The following CEP57 variants were observed in gnomAD, a reference collection of about 807,000 sequenced individuals.
The protein encoded by CEP57 is centrosomal protein of 57 kDa.
A neutral mutation model predicts 68.0 loss-of-function variants in CEP57; 40 were observed. The ratio of observed to expected loss-of-function variants is 0.59; its 90% CI spans 0.46 to 0.77. The LOEUF (loss-of-function observed/expected upper bound fraction) is 0.77, where lower values mean the gene tolerates loss of function less well. CEP57 is among the 30% of genes least tolerant of loss of function. CEP57 has a pLI of 0.00. For missense variants in CEP57, 606 were observed against 580.7 expected (o/e 1.04, Z -0.45); for synonymous variants, 219 against 198.7 (o/e 1.10, Z -0.86).
rs549664864 is a variant in CEP57 at position 95,799,219 on chromosome 11, C to CT, written c.46-10dup. On this transcript the variant is annotated splice_polypyrimidine_tract_variant and intron_variant, in intron 1 of 10. Transcript: ENST00000325542. The stretch of plus-strand genomic sequence containing the variant: ...CACACTTTTGAAAGGTAATTTGTGT[C>CT]TTTATTTTTTAGAACAGCTTTGCTG... The CT allele has an allele frequency of 1.7e-5, 28 of 1,613,618 alleles. No individual in the cohort carries two copies. The highest frequency in any genetic ancestry group is 2.2e-5 in the Non-Finnish European group (26 of 1,179,902).
In CEP57 at chr11:95,790,705, G is replaced by A. The variant is rs775548083; in HGVS notation, c.7G>A (p.Ala3Thr). 3 of 1,613,930 alleles carry A rather than the reference G, an allele frequency of 1.9e-6. No homozygotes were observed. In the African/African-American group the frequency reaches 4.0e-5, roughly 22 times the overall value. Reference protein sequence around the residue: MAAASVSAASGSH... With the variant: MATASVSAASGSH... ...CCCCTGGGCAGGCTGAAAGATGGCG[G>A]CGGCGTCTGTCTCTGCGGCTTCTGG... The change falls in exon 1 of 11, where the codon GCG becomes ACG. Residue 3 changes from alanine (A) to threonine (T), a missense_variant. Transcript: ENST00000325542.
At chr11:95,823,242 ACCCC>A (rs1862587020) in intron 8 of CEP57, 2 of 152,272 alleles carry the variant, frequency 1.3e-5, no homozygotes, top group Non-Finnish European at 2.9e-5. Flanking sequence ...TTTATTTTAA[ACCCC>A]TAGTAAATTC....
rs139872992 is a variant in CEP57, at chr11:95,790,671, T to C, written c.-28T>C. ...ACGAGAACCTAGACCGCCCCCGAAG[T>C]GCGGAGACCCCCTGGGCAGGCTGAA... On this transcript the variant is annotated 5_prime_UTR_variant, in exon 1 of 11. Transcript: ENST00000325542. 20,248 of 1,612,578 alleles carry C rather than the reference T, an allele frequency of 0.013. 269 individuals are homozygous for C. Among genetic ancestry groups the C allele is most frequent in the South Asian group, 0.052 (4,703 of 90,656 alleles).
At chr11:95,825,054 A>C (rs1453780708) in intron 8 of CEP57, among the ~76,000 whole-genome samples, 1 of 152,226 alleles carries the variant, frequency 6.6e-6, no homozygotes, top group Non-Finnish European at 1.5e-5. Context: ...CACCAAAGGC[A>C]TGGAAGTAGT....
chr11:95,818,270 G>A (rs531545735), intron 5 of CEP57, among the ~76,000 whole-genome samples: 97 of 151,880 alleles, frequency 6.4e-4, no homozygotes, highest in Non-Finnish European at 1.3e-4. Context: ...AAATTAGCCG[G>A]GCATCGTGGC....
chr11:95,822,404 C>A, intron 7 of CEP57, 95 bp from the exon 8 acceptor site: 1 of 879,022 alleles, frequency 1.1e-6, no homozygotes, highest in Non-Finnish European at 1.9e-6. Flanking sequence ...AAGTAGTAGC[C>A]TAGTAGTTAA....
intron 6 of CEP57, among the ~76,000 whole-genome samples, chr11:95,820,579 C>CAAAAAAAAA (rs56260498): frequency 6.1e-5 from 5 of 82,434 alleles, no homozygotes; most frequent in East Asian, 3.6e-4. Context: ...GCAACAAGAG[C>CAAAAAAAAA]AAAAAAAAAA....
chr11:95,805,221 CAATG>C (rs1253219547), intron 2 of CEP57, among the ~76,000 whole-genome samples: 2 of 152,078 alleles, frequency 1.3e-5, no homozygotes, highest in African/African-American at 2.4e-5. Context: ...TAAGAAAACT[CAATG>C]GATATTAAAG....
rs1440545103 is a variant in CEP57, at chr11:95,799,424, T to G, written c.202+36T>G. The G allele has an allele frequency of 1.9e-6, 3 of 1,606,846 alleles. No homozygotes were observed. The African/African-American group carries it at 4.0e-5, about 22-fold the overall frequency. On this transcript the variant is annotated intron_variant, in intron 2 of 10. Transcript: ENST00000325542. Reference sequence around the variant, plus strand: ...CTAACGAAATAAATGTTATTTGTGTTTTCTTGCTGCTTTAAAATTCTTAAC... The same window carrying G: ...CTAACGAAATAAATGTTATTTGTGTGTTCTTGCTGCTTTAAAATTCTTAAC...
At chr11:95,794,057 A>C (rs1256269744) in intron 1 of CEP57, among the ~76,000 whole-genome samples, 2 of 152,350 alleles carry the variant, frequency 1.3e-5, no homozygotes, top group East Asian at 3.9e-4. Context: ...GAACTAGATA[A>C]GAGAATCCAG....
At chr11:95,818,295 G>A (rs1590947762) in intron 5 of CEP57, among the ~76,000 whole-genome samples, 1 of 151,546 alleles carries the variant, frequency 6.6e-6, no homozygotes, top group East Asian at 2.0e-4. Context: ...GCCTGTAATC[G>A]CAGCTGCTTG....
At position 95,813,130 on chromosome 11, in the gene CEP57, T is replaced by G. The variant is rs778460518; in HGVS notation, c.382+19T>G. The stretch of plus-strand genomic sequence containing the variant: ...AATCAAGGTTTGTTGATGAAGAAAA[T>G]TAAAATTCTATCAAAATAAGTGTTG... On this transcript the variant is annotated intron_variant, in intron 3 of 10. Transcript: ENST00000325542. 1.2e-6 allele frequency: 2 copies of G among 1,607,464 alleles called. No homozygotes were observed. Among genetic ancestry groups the G allele is most frequent in the East Asian group, 2.2e-5 (1 of 44,814 alleles).
rs767525367 is a variant in CEP57, at chr11:95,821,994, C to A, written c.807+16C>A. On this transcript the variant is annotated intron_variant, in intron 7 of 10. Coordinates refer to ENST00000325542, the MANE Select transcript of CEP57 (RefSeq NM_014679.5). ...ACCAGAAAAGGTGTGAAGACAGAACCAAATCAGGCAAAATGCTGATTACTT... is the reference window on the plus strand; with the variant it reads ...ACCAGAAAAGGTGTGAAGACAGAACAAAATCAGGCAAAATGCTGATTACTT... 40 of 1,541,832 alleles carry A rather than the reference C, an allele frequency of 2.6e-5. No homozygotes were observed. Among genetic ancestry groups the A allele is most frequent in the Admixed American group, 8.4e-5 (5 of 59,580 alleles).
At chr11:95,822,639 T>C in intron 8 of CEP57, 63 bp downstream of exon 8, 2 of 1,185,358 alleles carry the variant, frequency 1.7e-6, no homozygotes, top group South Asian at 2.4e-5. Context: ...AGTCCCTGCA[T>C]CTGCAAGTAT....
Position 95,799,223 on chromosome 11 carries a change from A to T in CEP57, c.46-9A>T, listed in dbSNP as rs780066541. 4 of 1,613,728 alleles carry T rather than the reference A, an allele frequency of 2.5e-6. No homozygotes were observed. In the East Asian group the frequency reaches 8.9e-5, roughly 36 times the overall value. ...CTTTTGAAAGGTAATTTGTGTCTTT[A>T]TTTTTTAGAACAGCTTTGCTGAGCC... On this transcript the variant is annotated splice_polypyrimidine_tract_variant and intron_variant, in intron 1 of 10. Coordinates refer to ENST00000325542, the MANE Select transcript of CEP57 (RefSeq NM_014679.5).
intron 1 of CEP57, among the ~76,000 whole-genome samples, chr11:95,797,743 C>G (rs1004659255): frequency 2.0e-5 from 3 of 152,074 alleles, no homozygotes; most frequent in African/African-American, 7.2e-5. Context: ...AAGGGCAAGC[C>G]CACTAACATA....
intron 6 of CEP57, among the ~76,000 whole-genome samples, 188 bp downstream of exon 6, chr11:95,819,092 G>C (rs550502984): frequency 6.6e-6 from 1 of 152,200 alleles, no homozygotes; most frequent in South Asian, 2.1e-4. Flanking sequence ...AATTTGAACA[G>C]TTTTTTAGCA....
At chr11:95,811,003 T>C (rs1219111938) in intron 2 of CEP57, among the ~76,000 whole-genome samples, 2 of 152,186 alleles carry the variant, frequency 1.3e-5, no homozygotes, top group African/African-American at 4.8e-5. Flanking sequence ...CGTAAACTAG[T>C]TCAACCATTG....
At chr11:95,793,374 G>T (rs1017604903) in intron 1 of CEP57, among the ~76,000 whole-genome samples, 1 of 148,800 alleles carries the variant, frequency 6.7e-6, no homozygotes, top group East Asian at 2.0e-4. Flanking sequence ...CAATAACCTT[G>T]GTGATTAATG....
Sources: gnomAD v4.1 joint callset for allele counts (sites outside exome capture counted in the v4.1 genomes callset) on GRCh38, gnomAD v4.1.1 for gene constraint, MANE v1.5 for transcripts, NCBI Gene and HGNC (gene_info 2026-07-23, HGNC 2026-07-21) for gene names.